Variants in GPC5 observed in about 807,000 individuals in gnomAD.
GPC5 encodes the protein glypican-5.
GPC5 carries 47 observed loss-of-function variants against 53.9 expected under a neutral mutation model. The ratio of observed to expected loss-of-function variants is 0.87; its 90% CI spans 0.69 to 1.11. The LOEUF (loss-of-function observed/expected upper bound fraction) is 1.11. GPC5 is among the 50% of genes most tolerant of loss of function. The pLI is 0.00. For missense variants in GPC5, 748 were observed against 713.1 expected (o/e 1.05, Z -0.56); for synonymous variants, 286 against 263.3 (o/e 1.09, Z -0.84).
At chr13:91,967,172 G>A (rs1052914959) in intron 6 of GPC5, among the ~76,000 whole-genome samples, 17 of 152,032 alleles carry the variant, frequency 1.1e-4, no homozygotes, top group African/African-American at 3.9e-4. Context: ...CAAGTGAAAG[G>A]GGTTTCCCTT....
chr13:91,856,449 A>G (rs925027062), intron 5 of GPC5, among the ~76,000 whole-genome samples: 22 of 151,588 alleles, frequency 1.5e-4, no homozygotes, highest in African/African-American at 5.3e-4. Flanking sequence ...AAATTGTGAG[A>G]GGTTGAGTTG....
intron 6 of GPC5, among the ~76,000 whole-genome samples, chr13:92,126,506 T>C (rs949491855): frequency 3.9e-5 from 6 of 152,214 alleles, no homozygotes; most frequent in Non-Finnish European, 5.9e-5. Context: ...GTAAGATTTA[T>C]GTGGATCCAG....
At chr13:92,250,190 A>G (rs150392350) in intron 7 of GPC5, among the ~76,000 whole-genome samples, 3 of 152,234 alleles carry the variant, frequency 2.0e-5, no homozygotes, top group East Asian at 3.9e-4. Flanking sequence ...GATAAAGACA[A>G]TTTAAAGCTT....
intron 5 of GPC5, among the ~76,000 whole-genome samples, chr13:91,831,305 T>C (rs907054257): frequency 6.6e-6 from 1 of 151,582 alleles, no homozygotes; most frequent in Non-Finnish European, 1.5e-5. Flanking sequence ...TCTCTCATTT[T>C]TACATTTTTC....
intron 2 of GPC5, among the ~76,000 whole-genome samples, chr13:91,598,118 A>G (rs1229978719): frequency 2.6e-5 from 4 of 152,136 alleles, no homozygotes; most frequent in African/African-American, 9.7e-5. Context: ...TTTTGTGCTT[A>G]TCTTGTCAGA....
At chr13:91,960,725 A>G (rs112694392) in intron 6 of GPC5, among the ~76,000 whole-genome samples, 2,948 of 152,140 alleles carry the variant, frequency 0.019, 88 homozygotes, top group African/African-American at 0.067. Context: ...ATGGAACAGA[A>G]TGATGAGCCC....
chr13:92,474,183 T>C, intron 7 of GPC5, among the ~76,000 whole-genome samples: 1 of 152,044 alleles, frequency 6.6e-6, no homozygotes. Context: ...CTCTGTCCTT[T>C]TGTCAAATTA....
chr13:91,843,126 G>T lies in GPC5; in HGVS notation c.1281-64811G>T, dbSNP rs180891325. ...TTTTAGAATTGTATTCTAAACTTTT[G>T]CTGAGCAACGATTTTGTCTGTGCTA... On this transcript the variant is annotated intron_variant, in intron 5 of 7. Transcript: ENST00000377067. Among the ~76,000 whole-genome samples the T allele has an allele frequency of 4.4e-3, 675 of 152,122 alleles. 4 individuals carry two copies. Among genetic ancestry groups the T allele is most frequent in the African/African-American group, 0.016 (652 of 41,504 alleles).
rs974968846 is a variant in GPC5 at position 92,521,295 on chromosome 13, A to C, written c.1562-344987A>C. ...AAACTACTTTAAAGTTCATATGGAA[A>C]CAAAAAAGAGCCCACATTGCCAAGA... On this transcript the variant is annotated intron_variant, in intron 7 of 7. Coordinates refer to ENST00000377067, the MANE Select transcript of GPC5 (RefSeq NM_004466.6). Among the ~76,000 whole-genome samples, 3 of 152,164 alleles carry C rather than the reference A, an allele frequency of 2.0e-5. No homozygotes were observed. In the South Asian group the frequency reaches 6.2e-4, roughly 32 times the overall value.
intron 2 of GPC5, among the ~76,000 whole-genome samples, chr13:91,528,780 C>G (rs935811373): frequency 2.0e-5 from 3 of 152,122 alleles, no homozygotes; most frequent in African/African-American, 2.4e-5. Flanking sequence ...CCTCAGGAAA[C>G]TTACAATCAT....
intron 6 of GPC5, among the ~76,000 whole-genome samples, chr13:91,947,287 A>T (rs961915277): frequency 9.2e-5 from 14 of 152,170 alleles, no homozygotes; most frequent in African/African-American, 1.2e-4. Flanking sequence ...TGTAAAAAAA[A>T]ATATAAAGAA....
At chr13:92,561,464 C>G (rs1337862274) in intron 7 of GPC5, among the ~76,000 whole-genome samples, 1 of 151,912 alleles carries the variant, frequency 6.6e-6, no homozygotes, top group Non-Finnish European at 1.5e-5. Context: ...AGAATGATCC[C>G]AATAGAACCT....
chr13:91,478,846 CATTATAT>C (rs1883115541), intron 2 of GPC5, among the ~76,000 whole-genome samples: 1 of 96,814 alleles, frequency 1.0e-5, no homozygotes, highest in African/African-American at 3.8e-5. Flanking sequence ...TATATATACA[CATTATAT>C]ATATATACAC....
chr13:91,690,196 C>A (rs190185624), intron 2 of GPC5, among the ~76,000 whole-genome samples: 2 of 152,226 alleles, frequency 1.3e-5, no homozygotes, highest in East Asian at 3.9e-4. Context: ...CATATAATTT[C>A]CCCTTCAAAG....
intron 7 of GPC5, among the ~76,000 whole-genome samples, chr13:92,470,028 G>A (rs576102158): frequency 6.6e-6 from 1 of 152,060 alleles, no homozygotes; most frequent in African/African-American, 2.4e-5. Context: ...TAAAACAAAG[G>A]CTAGTATTAT....
chr13:91,653,673 G>A (rs1331583471), intron 2 of GPC5, among the ~76,000 whole-genome samples: 1 of 151,954 alleles, frequency 6.6e-6, no homozygotes, highest in Non-Finnish European at 1.5e-5. Flanking sequence ...CTTCTCCCTA[G>A]CTTCCCCCTC....
intron 7 of GPC5, among the ~76,000 whole-genome samples, chr13:92,586,511 G>C (rs1883542577): frequency 1.3e-5 from 2 of 152,162 alleles, no homozygotes; most frequent in Admixed American, 1.3e-4. Flanking sequence ...ATGAAATTTT[G>C]CATTTAAGCA....
intron 7 of GPC5, among the ~76,000 whole-genome samples, chr13:92,423,942 G>A (rs565991031): frequency 1.8e-4 from 28 of 152,106 alleles, no homozygotes; most frequent in African/African-American, 5.6e-4. Flanking sequence ...ATTAAAGGGA[G>A]CATTTCCATG....
intron 2 of GPC5, among the ~76,000 whole-genome samples, chr13:91,572,019 A>C (rs9560827): frequency 0.52 from 68,113 of 130,366 alleles, 21,120 homozygotes; most frequent in East Asian, 0.76. Flanking sequence ...ATATATGCAT[A>C]TACGTGTGTA....
Sources: gnomAD v4.1 joint callset for allele counts (sites outside exome capture counted in the v4.1 genomes callset) on GRCh38, gnomAD v4.1.1 for gene constraint, MANE v1.5 for transcripts, NCBI Gene and HGNC (gene_info 2026-07-23, HGNC 2026-07-21) for gene names.